CD81: variants seen among roughly 807,000 people sequenced by gnomAD.
CD81 encodes CD81 molecule.
CD81 carries 10 observed loss-of-function variants against 30.1 expected under a neutral mutation model. The observed-to-expected ratio is 0.33, with a 90% CI of 0.21 to 0.56. The LOEUF (loss-of-function observed/expected upper bound fraction) is 0.56. Among genes scored for constraint, CD81 ranks in the 20% least tolerant of loss-of-function variants. The pLI is 0.89. For missense variants in CD81, 263 were observed against 308.7 expected, an observed-to-expected ratio of 0.85 and a Z score of 1.11; for synonymous variants, 147 against 126.4, an observed-to-expected ratio of 1.16 and a Z score of -1.10.
At chr11:2,384,639 G>C (rs1454051668) in intron 1 of CD81, 4 of 185,042 alleles carry the variant, frequency 2.2e-5, no homozygotes, top group Admixed American at 1.2e-4. Flanking sequence ...GGAGGCTGGA[G>C]TATCTTGGGA....
intron 1 of CD81, among the ~76,000 whole-genome samples, chr11:2,383,253 C>T (rs1444742572): frequency 6.6e-6 from 1 of 152,188 alleles, no homozygotes; most frequent in African/African-American, 2.4e-5. Context: ...CTGGAGGCCA[C>T]AACGGGGTCA....
rs1250447821 is a variant in CD81 at position 2,378,294 on chromosome 11, C to G, written c.66+679C>G. Among the ~76,000 whole-genome samples, 2 of 152,172 alleles carry G rather than the reference C, an allele frequency of 1.3e-5. No individual in the cohort carries two copies. Among genetic ancestry groups the G allele is most frequent in the Non-Finnish European group, 2.9e-5 (2 of 68,030 alleles). ...CTGCCTGGGAGCCGATCTCCCTCTC[C>G]TCACCCAGACACGTTCCAGCGGAGG... On this transcript the variant is annotated intron_variant, in intron 1 of 7. Transcript: ENST00000263645. This position sits in a 1 kb window ranked among gnomAD's most constrained non-coding sequence, Gnocchi z 4.9.
rs1849644352 is a variant in CD81 at position 2,378,669 on chromosome 11, C to A, written c.66+1054C>A. On this transcript the variant is annotated intron_variant, in intron 1 of 7. Coordinates refer to ENST00000263645, the MANE Select transcript of CD81 (RefSeq NM_004356.4). The surrounding 1 kb of genome is among the most constrained non-coding windows in gnomAD (Gnocchi z 4.9). ...TGGAGTGGGTGTCCATGGCCGCGGC[C>A]TCCCCGTGGCCACGCCCCTGGGCAT... Among the ~76,000 whole-genome samples the A allele has an allele frequency of 6.6e-6, 1 of 152,206 alleles. No homozygotes were observed. The highest frequency in any genetic ancestry group is 1.9e-4 in the East Asian group (1 of 5,180).
chr11:2,378,776 T>C lies in CD81; in HGVS notation c.66+1161T>C, dbSNP rs1589843885. On this transcript the variant is annotated intron_variant, in intron 1 of 7. Coordinates refer to ENST00000263645, the MANE Select transcript of CD81 (RefSeq NM_004356.4). This position sits in a 1 kb window ranked among gnomAD's most constrained non-coding sequence, Gnocchi z 4.9. ...TCGGCTGATGTCCCAGTGGACCGAGTGTTTCTCAAGTTGAGGCAGGGAGGG... is the reference window on the plus strand; with the variant it reads ...TCGGCTGATGTCCCAGTGGACCGAGCGTTTCTCAAGTTGAGGCAGGGAGGG... Among the ~76,000 whole-genome samples the C allele has an allele frequency of 6.6e-6, 1 of 151,184 alleles. No individual in the cohort carries two copies. Among genetic ancestry groups the C allele is most frequent in the South Asian group, 2.1e-4 (1 of 4,754 alleles).
intron 2 of CD81, chr11:2,391,456 C>T (rs1849899034): frequency 6.6e-6 from 1 of 152,344 alleles, no homozygotes; most frequent in South Asian, 2.1e-4. Flanking sequence ...GCCGTCCCAC[C>T]TCTTTGTCCA....
intron 2 of CD81, chr11:2,392,240 C>G (rs560086449): frequency 6.6e-6 from 1 of 152,488 alleles, no homozygotes; most frequent in East Asian, 1.9e-4. Context: ...GCGTCGGGCC[C>G]CGTGTGGCCG....
At position 2,385,313 on chromosome 11, in the gene CD81, C is replaced by T. The variant is rs144971443; in HGVS notation, c.67-5099C>T. 1.3e-3 allele frequency among the ~76,000 whole-genome samples: 198 copies of T among 152,242 alleles called. 2 individuals are homozygous for T. In the East Asian group the frequency reaches 0.037, roughly 29 times the overall value. On this transcript the variant is annotated intron_variant, in intron 1 of 7. Coordinates refer to ENST00000263645, the MANE Select transcript of CD81 (RefSeq NM_004356.4). The stretch of plus-strand genomic sequence containing the variant: ...AAACCATCACCAACTCCCCAGGTGC[C>T]CCTGGGGCCCTTGGGATCTCTGCTT...
Position 2,377,324 on chromosome 11 carries a change from C to T in CD81, c.-226C>T, listed in dbSNP as rs570277983. The T allele has an allele frequency of 4.9e-3, 736 of 150,748 alleles. 2 individuals are homozygous for T. The Middle Eastern group carries it at 0.076, about 16-fold the overall frequency. The allele number at this position is 150,748 out of a possible 1,614,324, so 9.3% of individuals were successfully genotyped here. A position where few individuals can be genotyped will look rare whatever the true frequency, so the allele number is the denominator to read the frequency against. On this transcript the variant is annotated 5_prime_UTR_variant, in exon 1 of 8. Coordinates refer to ENST00000263645, the MANE Select transcript of CD81 (RefSeq NM_004356.4). This position sits in a 1 kb window ranked among gnomAD's most constrained non-coding sequence, Gnocchi z 7.7. ...GGCGCGCGCCCGGCCAGAGAGCGAG[C>T]GCGCAACGGCGGCGACGGCGGCGAC...
Position 2,388,873 on chromosome 11 carries a change from T to C in CD81, c.67-1539T>C, listed in dbSNP as rs561835728. The stretch of plus-strand genomic sequence containing the variant: ...CTCGCCCAGGCCCATGGGAGTCGGA[T>C]GGTGGCCGCACTTGTGGGGCCCTGA... On this transcript the variant is annotated intron_variant, in intron 1 of 7. Transcript: ENST00000263645. 2.5e-3 allele frequency among the ~76,000 whole-genome samples: 374 copies of C among 152,260 alleles called. 2 individuals carry two copies. Among genetic ancestry groups the C allele is most frequent in the African/African-American group, 8.4e-3 (350 of 41,574 alleles).
rs755645298 is a variant in CD81 at position 2,395,041 on chromosome 11, G to T, written c.349G>T (p.Asp117Tyr). The change falls in exon 4 of 8, where the codon GAC becomes TAC. Residue 117 changes from aspartate (D) to tyrosine (Y), a missense_variant. Coordinates refer to ENST00000263645, the MANE Select transcript of CD81 (RefSeq NM_004356.4). Reference sequence around the variant, plus strand: ...CGGCATCTGGGGCTTTGTCAACAAGGACCAGGTGAGCCTGGGTGTGCAGGG... The same window carrying T: ...CGGCATCTGGGGCTTTGTCAACAAGTACCAGGTGAGCCTGGGTGTGCAGGG... ...AAGIWGFVNK[D>Y]QIAKDVKQFY... 17 of 1,606,856 alleles carry T rather than the reference G, an allele frequency of 1.1e-5. 1 individual carries two copies. The South Asian group carries it at 1.8e-4, about 17-fold the overall frequency.
chr11:2,386,550 C>T (rs1849801423), intron 1 of CD81: 1 of 717,172 alleles, frequency 1.4e-6, no homozygotes, highest in Non-Finnish European at 2.6e-6. Flanking sequence ...ATTGTTGTCA[C>T]CTAGCTCCAG....
chr11:2,394,824 A>G, intron 3 of CD81, 148 bp from the exon 4 acceptor site: 1 of 762,478 alleles, frequency 1.3e-6, no homozygotes, highest in Non-Finnish European at 2.3e-6. Flanking sequence ...CCAGGGCTCC[A>G]CACAAGCCGC....
chr11:2,386,031 T>C (rs746085406), intron 1 of CD81: 3 of 717,036 alleles, frequency 4.2e-6, no homozygotes, highest in Non-Finnish European at 5.2e-6. Context: ...CAGCCCCCGT[T>C]GTATGCGTCC....
chr11:2,386,582 C>T (rs1472972039), intron 1 of CD81: 13 of 717,140 alleles, frequency 1.8e-5, no homozygotes, highest in East Asian at 5.4e-5. Context: ...TGCTGAAGGT[C>T]GGAGAGCTTG....
intron 1 of CD81, chr11:2,384,625 C>G (rs1849759799): frequency 5.6e-6 from 1 of 177,670 alleles, no homozygotes; most frequent in Non-Finnish European, 1.2e-5. Context: ...CAGAGGGCGC[C>G]TCCGGAGGCT....
upstream of CD81, among the ~76,000 whole-genome samples, chr11:2,376,602 G>A (rs562088623): frequency 1.2e-4 from 18 of 152,332 alleles, no homozygotes; most frequent in African/African-American, 3.6e-4. Flanking sequence ...GGATGTAGAC[G>A]AAATAGATGC....
rs201751056 is a variant in CD81, at chr11:2,396,785, C to T, written c.649-19C>T. 10 of 1,612,594 alleles carry T rather than the reference C, an allele frequency of 6.2e-6. No individual in the cohort carries two copies. The African/African-American group carries it at 6.7e-5, about 11-fold the overall frequency. On this transcript the variant is annotated intron_variant, in intron 7 of 7. Transcript: ENST00000263645. ...CGCGGGGCCTTGTGCTGACTGCGCC[C>T]CCCACCACCCTCCTGCAGATCTTCG... is the stretch of plus-strand genomic sequence containing the variant.
intron 1 of CD81, chr11:2,386,185 C>CTG (rs771287536): frequency 7.0e-6 from 5 of 717,128 alleles, no homozygotes; most frequent in Non-Finnish European, 1.3e-5. Flanking sequence ...TGCTTTTTTG[C>CTG]TGTGTGTGGA....
intron 1 of CD81, among the ~76,000 whole-genome samples, chr11:2,385,185 TG>T (rs1402294664): frequency 6.6e-6 from 1 of 152,126 alleles, no homozygotes; most frequent in Admixed American, 6.5e-5. Context: ...ACTTAGGATG[TG>T]GGGGCTTTTC....
Sources: allele counts gnomAD v4.1 joint callset (sites outside exome capture counted in the v4.1 genomes callset), GRCh38; gene constraint gnomAD v4.1.1; non-coding constraint Gnocchi (gnomAD v3.1); transcripts MANE v1.5; gene names NCBI Gene and HGNC (gene_info 2026-07-23, HGNC 2026-07-21).